EHMT1: variants seen among roughly 807,000 people sequenced by gnomAD.
EHMT1 encodes histone-lysine N-methyltransferase EHMT1.
In EHMT1, 15 loss-of-function variants were observed where a neutral mutation model predicts 147.2. The observed-to-expected ratio is 0.10, with a 90% CI of 0.07 to 0.16. The LOEUF (loss-of-function observed/expected upper bound fraction) is 0.16, where lower values mean the gene tolerates loss of function less well. Among genes scored for constraint, EHMT1 ranks in the 10% least tolerant of loss-of-function variants. The pLI, the probability that EHMT1 is intolerant of heterozygous loss-of-function variation, is 1.00. For synonymous variants in EHMT1, 795 were observed against 709.6 expected, an observed-to-expected ratio of 1.12 and a Z score of -1.91; for missense variants, 1,587 against 1,772.4, an observed-to-expected ratio of 0.90 and a Z score of 1.88.
chr9:137,703,619 C>G (rs1486408831), intron 1 of EHMT1, among the ~76,000 whole-genome samples: 7 of 152,146 alleles, frequency 4.6e-5, no homozygotes, highest in Non-Finnish European at 2.9e-5. Context: ...GACTTTTACT[C>G]CAATTCCCAA....
intron 6 of EHMT1, among the ~76,000 whole-genome samples, chr9:137,749,486 G>A (rs560792058): frequency 1.3e-5 from 2 of 151,748 alleles, no homozygotes; most frequent in African/African-American, 4.8e-5. Flanking sequence ...TCTCTCAGTC[G>A]ACAGCCTCTC....
chr9:137,795,940 T>C (rs183302783), intron 16 of EHMT1, among the ~76,000 whole-genome samples: 1 of 152,126 alleles, frequency 6.6e-6, no homozygotes, highest in Admixed American at 6.5e-5. Context: ...GCAACTAGAA[T>C]GCAGGAATAA....
At chr9:137,702,878 A>G (rs888872629) in intron 1 of EHMT1, among the ~76,000 whole-genome samples, 3 of 152,282 alleles carry the variant, frequency 2.0e-5, no homozygotes, top group Non-Finnish European at 4.4e-5. Context: ...AATTCAAGCA[A>G]TTCTCCTGCC....
intron 8 of EHMT1, among the ~76,000 whole-genome samples, chr9:137,755,007 A>G (rs1588537605): frequency 6.6e-6 from 1 of 152,202 alleles, no homozygotes; most frequent in South Asian, 2.1e-4. Context: ...TGTAGGAAGG[A>G]AATCTCCTCA....
chr9:137,776,747 A>T lies in EHMT1; in HGVS notation c.1921A>T (p.Thr641Ser). 1.2e-6 allele frequency: 2 copies of T among 1,614,046 alleles called. No homozygotes were observed. Among genetic ancestry groups the T allele is most frequent in the Non-Finnish European group, 1.7e-6 (2 of 1,180,010 alleles). The change falls in exon 12 of 27, where the codon ACG becomes TCG. Residue 641 changes from threonine (T) to serine (S), a missense_variant. Transcript: ENST00000460843. This position sits in a 1 kb window ranked among gnomAD's most constrained non-coding sequence, Gnocchi z 4.4. Reference protein sequence around the residue: ...GEESSKAKEVTIAKADTTSTV... With the variant: ...GEESSKAKEVSIAKADTTSTV... ...GGAGAGCTCCAAGGCCAAAGAGGTG[A>T]CGATAGCTAAAGCAGACACCACCTC...
chr9:137,807,055 G>A (rs1315319762), intron 18 of EHMT1, among the ~76,000 whole-genome samples: 1 of 152,206 alleles, frequency 6.6e-6, no homozygotes, highest in Non-Finnish European at 1.5e-5. Flanking sequence ...TTGTGTGTGT[G>A]CACGTAGGGT....
intron 4 of EHMT1, among the ~76,000 whole-genome samples, chr9:137,736,818 G>C (rs1261780157): frequency 4.6e-5 from 7 of 152,186 alleles, no homozygotes; most frequent in Non-Finnish European, 7.3e-5. Context: ...TTGAACCTGG[G>C]AGGTGGAGGT....
At chr9:137,634,885 T>A (rs1301501257) in intron 1 of EHMT1, among the ~76,000 whole-genome samples, 2 of 142,438 alleles carry the variant, frequency 1.4e-5, no homozygotes, top group Non-Finnish European at 3.0e-5. Flanking sequence ...TTTTTTTTTT[T>A]TTTTTTTTGT....
Position 137,776,523 on chromosome 9 carries a change from C to G in EHMT1, c.1792-95C>G. ...CCCATGGCTCACTCTGCAGACCGCC[C>G]GATGTGGGATGCGGTGCCAGTTTAG... On this transcript the variant is annotated intron_variant, in intron 11 of 26. Transcript: ENST00000460843. The surrounding 1 kb of genome is among the most constrained non-coding windows in gnomAD (Gnocchi z 4.4). 7.8e-7 allele frequency: 1 copy of G among 1,289,476 alleles called. No homozygotes were observed. The allele number at this position is 1,289,476 out of a possible 1,614,324, so 79.9% of individuals were successfully genotyped here.
In EHMT1 at chr9:137,782,176, T is replaced by G. The variant is rs1424426997; in HGVS notation, c.2276-115T>G. ...GGGCGGGTTCCGGCGTGGCTCGAGG[T>G]GGCTGTTTATGTGGAGGATGGTCAT... On this transcript the variant is annotated intron_variant, in intron 14 of 26. Coordinates refer to ENST00000460843, the MANE Select transcript of EHMT1 (RefSeq NM_024757.5). This position sits in a 1 kb window ranked among gnomAD's most constrained non-coding sequence, Gnocchi z 5.7. The G allele has an allele frequency of 2.0e-6, 2 of 982,506 alleles. No homozygotes were observed. Among genetic ancestry groups the G allele is most frequent in the Non-Finnish European group, 1.6e-6 (1 of 639,892 alleles). 60.9% of individuals were successfully genotyped at this position (982,506 alleles called of 1,614,324 possible).
At chr9:137,624,904 T>C (rs1843159361) in intron 1 of EHMT1, among the ~76,000 whole-genome samples, 1 of 151,090 alleles carries the variant, frequency 6.6e-6, no homozygotes, top group East Asian at 1.9e-4. Context: ...TTTTTTGAGA[T>C]GGAGTTTTGC....
chr9:137,652,689 G>A (rs939800167), intron 1 of EHMT1, among the ~76,000 whole-genome samples: 4 of 150,114 alleles, frequency 2.7e-5, no homozygotes, highest in African/African-American at 7.4e-5. Flanking sequence ...CCTGGCTAGT[G>A]TATCTTAGTT....
Position 137,782,463 on chromosome 9 carries a change from T to C in EHMT1, c.2382+66T>C. 2.1e-6 allele frequency: 3 copies of C among 1,420,252 alleles called. No individual in the cohort carries two copies. The South Asian group carries it at 3.7e-5, about 17-fold the overall frequency. 88.0% of individuals were successfully genotyped at this position (1,420,252 alleles called of 1,614,324 possible). A position where few individuals can be genotyped will look rare whatever the true frequency, so the allele number is the denominator to read the frequency against. On this transcript the variant is annotated intron_variant, in intron 15 of 26. Transcript: ENST00000460843. The surrounding 1 kb of genome is among the most constrained non-coding windows in gnomAD (Gnocchi z 5.7). ...CTCTTTTATTTTTACCAAAGTAAAA[T>C]CATACCACGTTCGCGGTTCTTCCAG...
intron 18 of EHMT1, among the ~76,000 whole-genome samples, chr9:137,804,613 A>T (rs1432765782): frequency 3.3e-5 from 5 of 152,108 alleles, no homozygotes; most frequent in Non-Finnish European, 5.9e-5. Flanking sequence ...TTTTAACTGG[A>T]TCCTGTTTTT....
chr9:137,731,716 G>T lies in EHMT1; in HGVS notation c.823+3187G>T, dbSNP rs748685429. On this transcript the variant is annotated intron_variant, in intron 4 of 26. Coordinates refer to ENST00000460843, the MANE Select transcript of EHMT1 (RefSeq NM_024757.5). This position sits in a 1 kb window ranked among gnomAD's most constrained non-coding sequence, Gnocchi z 4.3. ...TCATTCTGCCCACTCGGCCCAGCAG[G>T]CTGTACTTGGCTCATGCTACCGGCC... Among the ~76,000 whole-genome samples the T allele has an allele frequency of 6.6e-6, 1 of 152,144 alleles. No individual in the cohort carries two copies.
rs1314612261 is a variant in EHMT1, at chr9:137,728,293, A to T, written c.643-56A>T. 4 of 1,611,306 alleles carry T rather than the reference A, an allele frequency of 2.5e-6. No individual in the cohort carries two copies. The East Asian group carries it at 8.9e-5, about 36-fold the overall frequency. ...AGAACTGTGATTTTGGTTGCATGTT[A>T]TTTCAGTGACCACCTGCTTATGCAG... On this transcript the variant is annotated intron_variant, in intron 3 of 26. Transcript: ENST00000460843.
At chr9:137,832,306 T>A (rs1338096969) in intron 25 of EHMT1, among the ~76,000 whole-genome samples, 1 of 147,286 alleles carries the variant, frequency 6.8e-6, no homozygotes, top group East Asian at 2.0e-4. Flanking sequence ...GCTCCCGTCC[T>A]AGAATTGGCT....
intron 1 of EHMT1, among the ~76,000 whole-genome samples, chr9:137,623,209 T>A (rs1449920229): frequency 1.4e-5 from 2 of 146,242 alleles, no homozygotes; most frequent in African/African-American, 5.1e-5. Flanking sequence ...CAAGACTCCG[T>A]CTCAAAAAAA....
chr9:137,688,270 T>C (rs2183138), intron 1 of EHMT1, among the ~76,000 whole-genome samples: 73,467 of 152,136 alleles, frequency 0.48, 19,080 homozygotes, highest in African/African-American at 0.67. Flanking sequence ...GTGATCTGCC[T>C]GCCTCGGCCT....
Sources: gnomAD v4.1 joint callset for allele counts (sites outside exome capture counted in the v4.1 genomes callset) on GRCh38, gnomAD v4.1.1 for gene constraint, Gnocchi (gnomAD v3.1) non-coding constraint, MANE v1.5 for transcripts, NCBI Gene and HGNC (gene_info 2026-07-23, HGNC 2026-07-21) for gene names.